Variants in NFKBID observed in about 807,000 individuals in gnomAD.
NFKBID encodes the protein NF-kappa-B inhibitor delta.
Under a neutral mutation model 53.4 loss-of-function variants are expected in NFKBID, and 26 were observed. The ratio of observed to expected loss-of-function variants is 0.49; its 90% CI spans 0.36 to 0.68. NFKBID has a LOEUF of 0.68. Among genes scored for constraint, NFKBID ranks in the 30% least tolerant of loss-of-function variants. NFKBID has a pLI of 0.00. For synonymous variants in NFKBID, 262 were observed against 259.8 expected (o/e 1.01, Z -0.08); for missense variants, 493 against 614.1 (o/e 0.80, Z 2.08).
intron 9 of NFKBID, among the ~76,000 whole-genome samples, chr19:35,894,857 G>C (rs1196177507): frequency 6.6e-6 from 1 of 152,018 alleles, no homozygotes. Context: ...GCTGGACGTG[G>C]TGGTGGGAAC....
At position 35,896,252 on chromosome 19, in the gene NFKBID, C is replaced by G; in HGVS notation, c.849G>C (p.Gly283=). 1 of 1,614,218 alleles carries G rather than the reference C, an allele frequency of 6.2e-7. No individual in the cohort carries two copies. The highest frequency in any genetic ancestry group is 8.5e-7 in the Non-Finnish European group (1 of 1,180,044). Residue 283 remains glycine (G), a synonymous_variant, in exon 8 of 12, where the codon GGG becomes GGC. Transcript: ENST00000641389. The surrounding 1 kb of genome is among the most constrained non-coding windows in gnomAD (Gnocchi z 5.7). ...CTCTGGCTTCCAGGTCAACCTGGACCCCAGAGTTAAGCACAGCCTGGGAGG... is the reference window on the plus strand; with the variant it reads ...CTCTGGCTTCCAGGTCAACCTGGACGCCAGAGTTAAGCACAGCCTGGGAGG...
At chr19:35,898,844 G>T in intron 1 of NFKBID, 22 bp from the exon 2 acceptor site, 1 of 1,527,474 alleles carries the variant, frequency 6.5e-7, no homozygotes, top group Non-Finnish European at 8.8e-7. Context: ...AGGAGAGGGG[G>T]AAGTCATCAA....
intron 9 of NFKBID, among the ~76,000 whole-genome samples, chr19:35,895,625 A>G (rs551407105): frequency 6.6e-6 from 1 of 152,090 alleles, no homozygotes; most frequent in East Asian, 1.9e-4. Flanking sequence ...AATGTGGAGA[A>G]AGCCTGTCTC....
chr19:35,889,824 C>A (rs1974626577), intron 11 of NFKBID, 66 bp downstream of exon 11: 1 of 1,477,152 alleles, frequency 6.8e-7, no homozygotes, highest in African/African-American at 1.4e-5. Context: ...TTGGGTGGGG[C>A]AGGGAGGTCA....
chr19:35,896,460 C>T lies in NFKBID; in HGVS notation c.763G>A (p.Ala255Thr), dbSNP rs1975158687. ...ACCGAACGTCCCTGATGGTCAGCGG[C>T]ATTGGGCTCTGCTCCCAGGTTCAAC... is the stretch of plus-strand genomic sequence containing the variant. Residue 255 changes from alanine (A) to threonine (T), a missense_variant, in exon 7 of 12, where the codon GCC becomes ACC. By Grantham distance (58) the Ala-to-Thr change is moderately conservative. This residue lies in a region of NFKBID where 267 missense variants were observed against 384.6 expected (regional missense o/e 0.69). Transcript: ENST00000641389. This position sits in a 1 kb window ranked among gnomAD's most constrained non-coding sequence, Gnocchi z 5.7. 6.2e-7 allele frequency: 1 copy of T among 1,614,080 alleles called. No homozygotes were observed. The highest frequency in any genetic ancestry group is 1.7e-5 in the Admixed American group (1 of 60,000).
rs372275690 is a variant in NFKBID, at chr19:35,896,060, G to A, written c.952C>T (p.Arg318Trp). 20 of 1,613,776 alleles carry A rather than the reference G, an allele frequency of 1.2e-5. No individual in the cohort carries two copies. The highest frequency in any genetic ancestry group is 4.5e-5 in the East Asian group (2 of 44,900). ...TCTCGGGCCTGTGTGCTCAGCACCC[G>A]GGGACAGAGGTCGGAAGGGCGCATA... is the stretch of plus-strand genomic sequence containing the variant. The change falls in exon 9 of 12, where the codon CGG becomes TGG. Residue 318 changes from arginine to tryptophan, a missense_variant. Around this residue, in one of 2 missense-constraint regions of NFKBID, gnomAD observed 267 missense variants for 384.6 expected, o/e 0.69. Transcript: ENST00000641389. This position sits in a 1 kb window ranked among gnomAD's most constrained non-coding sequence, Gnocchi z 5.7.
chr19:35,892,477 G>A (rs1974835307), intron 9 of NFKBID, among the ~76,000 whole-genome samples: 1 of 151,242 alleles, frequency 6.6e-6, no homozygotes, highest in South Asian at 2.1e-4. Context: ...TTGAACCTGG[G>A]AGGTTGCAGT....
At chr19:35,900,647 C>A (rs1975512435) in exon 1 of NFKBID, 4 of 1,228,934 alleles carry the variant, frequency 3.3e-6, no homozygotes, top group African/African-American at 1.6e-5. Context: ...CGCGCTCCGG[C>A]GAACGCAGTC....
chr19:35,890,438 G>A (rs1207431851), exon 10 of NFKBID: 1 of 1,614,110 alleles, frequency 6.2e-7, no homozygotes, highest in East Asian at 2.2e-5. Flanking sequence ...AACCAGAGTG[G>A]GGTTGGCAGC....
intron 9 of NFKBID, among the ~76,000 whole-genome samples, chr19:35,894,167 G>A (rs1178465653): frequency 6.6e-6 from 1 of 151,902 alleles, no homozygotes; most frequent in African/African-American, 2.4e-5. Context: ...GCTGAGGCAG[G>A]AGCATGGCTT....
chr19:35,896,227 C>T lies in NFKBID; in HGVS notation c.874G>A (p.Asp292Asn), dbSNP rs1975136745. The T allele has an allele frequency of 1.2e-6, 2 of 1,614,162 alleles. No individual in the cohort carries two copies. The highest frequency in any genetic ancestry group is 2.7e-5 in the African/African-American group (2 of 75,060). ...CCCACACCCAACTTACCCTCGAAGT[C>T]TCTGGCTTCCAGGTCAACCTGGACC... Residue 292 changes from aspartate to asparagine, a missense_variant, in exon 8 of 12, where the codon GAC becomes AAC. Coordinates refer to ENST00000641389, the Ensembl canonical transcript of NFKBID. This position sits in a 1 kb window ranked among gnomAD's most constrained non-coding sequence, Gnocchi z 5.7.
At chr19:35,890,468 A>C in exon 10 of NFKBID, 3 of 1,613,628 alleles carry the variant, frequency 1.9e-6, no homozygotes, top group Non-Finnish European at 1.7e-6. Flanking sequence ...CAAGTGCAGA[A>C]CTGTCTTGTT....
chr19:35,898,899 G>T, intron 1 of NFKBID, 77 bp from the exon 2 acceptor site: 1 of 1,151,542 alleles, frequency 8.7e-7, no homozygotes, highest in South Asian at 1.3e-5. Flanking sequence ...CGCGCGGGGA[G>T]TGGGTTTGGG....
chr19:35,902,114 C>G (rs1975581279), upstream of NFKBID: 1 of 700,518 alleles, frequency 1.4e-6, no homozygotes. Context: ...TATTCAGCAT[C>G]TCCACAGGGA....
chr19:35,901,890 A>G (rs1975577102), upstream of NFKBID: 5 of 438,704 alleles, frequency 1.1e-5, no homozygotes, highest in South Asian at 1.2e-4. Context: ...CCATGCTCTC[A>G]GGGGTCCCCT....
intron 4 of NFKBID, 82 bp from the exon 5 acceptor site, chr19:35,897,140 G>A (rs758487825): frequency 2.1e-6 from 3 of 1,448,222 alleles, no homozygotes; most frequent in South Asian, 1.3e-5. Flanking sequence ...CCAGTCAGCT[G>A]AGAATTCCTC....
chr19:35,895,213 C>T (rs149783183), intron 9 of NFKBID, among the ~76,000 whole-genome samples: 5 of 151,500 alleles, frequency 3.3e-5, no homozygotes, highest in African/African-American at 7.3e-5. Flanking sequence ...CAGTGGCTCA[C>T]GCCTGTAATC....
chr19:35,897,965 T>C, intron 3 of NFKBID, 109 bp from the exon 4 acceptor site: 1 of 733,150 alleles, frequency 1.4e-6, no homozygotes, highest in South Asian at 1.7e-5. Context: ...TTAGTACTTC[T>C]GGGACACCAA....
upstream of NFKBID, among the ~76,000 whole-genome samples, chr19:35,900,827 C>CTTTTTTTTTTTTTTTTTTTCTTTTT (rs1975530542): frequency 1.9e-5 from 2 of 107,604 alleles, no homozygotes; most frequent in South Asian, 3.1e-4. Context: ...TTTTTCTTTT[C>CTTTTTTTTTTTTTTTTTTTCTTTTT]TTTTTTTTTT....
Sources: allele counts gnomAD v4.1 joint callset (sites outside exome capture counted in the v4.1 genomes callset), GRCh38; gene constraint gnomAD v4.1.1; regional missense constraint gnomAD v4.1.1; non-coding constraint Gnocchi (gnomAD v3.1); transcripts MANE v1.5; gene names NCBI Gene and HGNC (gene_info 2026-07-23, HGNC 2026-07-21).